C1QTNF1: variants seen among roughly 807,000 people sequenced by gnomAD.
C1QTNF1 encodes complement C1q tumor necrosis factor-related protein 1.
Under a neutral mutation model 27.8 loss-of-function variants are expected in C1QTNF1, and 22 were observed. The observed-to-expected ratio is 0.79, with a 90% CI of 0.56 to 1.13. The LOEUF (loss-of-function observed/expected upper bound fraction) is 1.13, where lower values mean the gene tolerates loss of function less well. Among genes scored for constraint, C1QTNF1 ranks in the 50% most tolerant of loss-of-function variants. The pLI is 0.00. For synonymous variants in C1QTNF1, 166 were observed against 154.3 expected (o/e 1.08, Z -0.56); for missense variants, 373 against 380.2 (o/e 0.98, Z 0.16).
At chr17:79,044,389 C>G (rs990278141) in intron 2 of C1QTNF1, among the ~76,000 whole-genome samples, 1 of 152,246 alleles carries the variant, frequency 6.6e-6, no homozygotes, top group African/African-American at 2.4e-5. Flanking sequence ...GGCTTTGCAG[C>G]TGCCTCCTTA....
chr17:79,042,231 C>T (rs1017722692), intron 1 of C1QTNF1, among the ~76,000 whole-genome samples: 7 of 152,262 alleles, frequency 4.6e-5, no homozygotes, highest in African/African-American at 7.2e-5. Flanking sequence ...CCACCTGAAA[C>T]GGCTGGGCCT....
At chr17:79,043,270 T>C (rs1568068982) in intron 1 of C1QTNF1, 1 of 449,070 alleles carries the variant, frequency 2.2e-6, no homozygotes, top group Non-Finnish European at 4.4e-6. Context: ...TGTGTGCATG[T>C]GTGTTGAGAG....
chr17:79,040,333 C>T (rs1050806249), intron 1 of C1QTNF1, among the ~76,000 whole-genome samples: 1 of 152,164 alleles, frequency 6.6e-6, no homozygotes, highest in Non-Finnish European at 1.5e-5. Flanking sequence ...GGCGTGGTGG[C>T]GCATGCCTGT....
At chr17:79,031,692 C>T (rs910103025) in intron 1 of C1QTNF1, among the ~76,000 whole-genome samples, 1 of 152,206 alleles carries the variant, frequency 6.6e-6, no homozygotes, top group Non-Finnish European at 1.5e-5. Context: ...GATCTGCCTG[C>T]CTCAGCCTCC....
chr17:79,033,231 G>A (rs1307495920), intron 1 of C1QTNF1, among the ~76,000 whole-genome samples: 1 of 152,182 alleles, frequency 6.6e-6, no homozygotes, highest in Admixed American at 6.5e-5. Context: ...AGTCACGTGA[G>A]CACTTAAAAT....
chr17:79,044,658 T>C (rs2072520295), intron 2 of C1QTNF1, among the ~76,000 whole-genome samples: 2 of 152,154 alleles, frequency 1.3e-5, no homozygotes, highest in Non-Finnish European at 2.9e-5. Flanking sequence ...CTGGATGGCC[T>C]TCGTGTCTAC....
In C1QTNF1 at chr17:79,044,696, C is replaced by T. The variant is rs116909681; in HGVS notation, c.155+573C>T. Reference sequence around the variant, plus strand: ...CCTGCAATGACAGAGAGACTCCAGCCGACCTGGGACATTTCCTAGGGAAGC... The same window carrying T: ...CCTGCAATGACAGAGAGACTCCAGCTGACCTGGGACATTTCCTAGGGAAGC... On this transcript the variant is annotated intron_variant, in intron 2 of 3. Transcript: ENST00000579760. Among the ~76,000 whole-genome samples, 339 of 152,314 alleles carry T rather than the reference C, an allele frequency of 2.2e-3. 1 individual carries two copies. Among genetic ancestry groups the T allele is most frequent in the Non-Finnish European group, 4.0e-3 (275 of 68,026 alleles).
At position 79,046,727 on chromosome 17, in the gene C1QTNF1, C is replaced by T; in HGVS notation, c.295+33C>T. 6.2e-7 allele frequency: 1 copy of T among 1,613,234 alleles called. No individual in the cohort carries two copies. The highest frequency in any genetic ancestry group is 8.5e-7 in the Non-Finnish European group (1 of 1,179,614). On this transcript the variant is annotated intron_variant, in intron 3 of 3. Coordinates refer to ENST00000579760, the MANE Select transcript of C1QTNF1 (RefSeq NM_030968.5). The surrounding 1 kb of genome is among the most constrained non-coding windows in gnomAD (Gnocchi z 4.8). ...GGCTGCAAAGACAAGCACGGGGTGG[C>T]CGGGCTGCTCTGTGCTGATCCGGAG...
chr17:79,047,067 G>C lies in C1QTNF1; in HGVS notation c.295+373G>C, dbSNP rs752908116. ...ACCTGCTCGCTCCGGTCCTGCACAC[G>C]GCAGATAACCCTGCACAGCCCCGTG... On this transcript the variant is annotated intron_variant, in intron 3 of 3. Transcript: ENST00000579760. 1.1e-5 allele frequency: 3 copies of C among 283,408 alleles called. No homozygotes were observed. The East Asian group carries it at 2.2e-4, about 21-fold the overall frequency. 17.6% of individuals were successfully genotyped at this position (283,408 alleles called of 1,614,324 possible).
At chr17:79,035,385 C>T (rs1260974337) in intron 1 of C1QTNF1, among the ~76,000 whole-genome samples, 6 of 150,036 alleles carry the variant, frequency 4.0e-5, no homozygotes, top group South Asian at 2.1e-4. Context: ...GCTAAGGGGC[C>T]GTTGAGGCTG....
chr17:79,041,507 G>A (rs59824781), intron 1 of C1QTNF1, among the ~76,000 whole-genome samples: 19,574 of 152,176 alleles, frequency 0.13, 1,487 homozygotes, highest in African/African-American at 0.2. Flanking sequence ...GTCCTGGGCC[G>A]TGGCTCACGC....
At chr17:79,043,652 CTG>C (rs56804983) in intron 1 of C1QTNF1, 12,910 of 507,926 alleles carry the variant, frequency 0.025, 590 homozygotes, top group East Asian at 0.15. Flanking sequence ...GTGTATGTGA[CTG>C]TGTGTGCATG....
At chr17:79,030,562 T>C (rs149695088) in intron 1 of C1QTNF1, among the ~76,000 whole-genome samples, 310 of 150,568 alleles carry the variant, frequency 2.1e-3, no homozygotes, top group Middle Eastern at 6.8e-3. Flanking sequence ...TTCCTCTCTT[T>C]CTCTCTCTCT....
chr17:79,039,418 G>A (rs1260825554), intron 1 of C1QTNF1, among the ~76,000 whole-genome samples: 3 of 151,870 alleles, frequency 2.0e-5, no homozygotes, highest in Non-Finnish European at 4.4e-5. Flanking sequence ...GGGAGGCCGA[G>A]GCAGATGGAT....
Position 79,048,490 on chromosome 17 carries a change from T to C in C1QTNF1, c.*402T>C, listed in dbSNP as rs142387731. 1.4e-4 allele frequency: 24 copies of C among 169,076 alleles called. No individual in the cohort carries two copies. In the East Asian group the frequency reaches 3.1e-3, roughly 22 times the overall value. 10.5% of individuals were successfully genotyped at this position (169,076 alleles called of 1,614,324 possible). ...AACCGTGGAGGACAAAGAAAAGGGT[T>C]GTTATTTTTGTCTTTCCAGCCAGCC... On this transcript the variant is annotated 3_prime_UTR_variant, in exon 4 of 4. Transcript: ENST00000579760.
At chr17:79,043,224 A>C (rs1474951463) in intron 1 of C1QTNF1, 1 of 439,702 alleles carries the variant, frequency 2.3e-6, no homozygotes, top group Non-Finnish European at 4.5e-6. Flanking sequence ...GTGTGTGTGA[A>C]TCTGTGTGCA....
intron 3 of C1QTNF1, 22 bp from the exon 4 acceptor site, chr17:79,047,516 C>A (rs578018270): frequency 1.4e-5 from 21 of 1,517,770 alleles, no homozygotes; most frequent in Non-Finnish European, 1.9e-5. Context: ...ATTAACAGCA[C>A]GCGTTTTCCC....
At chr17:79,041,075 A>G (rs1401752452) in intron 1 of C1QTNF1, among the ~76,000 whole-genome samples, 2 of 152,182 alleles carry the variant, frequency 1.3e-5, no homozygotes, top group Admixed American at 1.3e-4. Flanking sequence ...ATAGCTGGAG[A>G]GAGAACTTAG....
At chr17:79,043,296 G>A (rs996242219) in intron 1 of C1QTNF1, 2 of 452,512 alleles carry the variant, frequency 4.4e-6, no homozygotes, top group Non-Finnish European at 8.8e-6. Flanking sequence ...ATGTGATTTG[G>A]GTATGTGTGC....
Sources: gnomAD v4.1 joint callset for allele counts (sites outside exome capture counted in the v4.1 genomes callset) on GRCh38, gnomAD v4.1.1 for gene constraint, Gnocchi (gnomAD v3.1) non-coding constraint, MANE v1.5 for transcripts, NCBI Gene and HGNC (gene_info 2026-07-23, HGNC 2026-07-21) for gene names.